AGBL1: variants seen among roughly 807,000 people sequenced by gnomAD.
AGBL1 encodes the protein cytosolic carboxypeptidase 4.
Under a neutral mutation model 118.9 loss-of-function variants are expected in AGBL1, and 130 were observed. That is an observed-to-expected ratio of 1.09 (90% CI 0.95 to 1.26). The LOEUF (loss-of-function observed/expected upper bound fraction) is 1.26, where lower values mean the gene tolerates loss of function less well. Among genes scored for constraint, AGBL1 ranks in the 50% most tolerant of loss-of-function variants. The pLI, the probability that AGBL1 is intolerant of heterozygous loss-of-function variation, is 0.00. For missense variants in AGBL1, 1,584 were observed against 1,298.1 expected (o/e 1.22, Z -3.38); for synonymous variants, 555 against 478.9 (o/e 1.16, Z -2.08).
chr15:86,489,410 A>G (rs947739679), intron 18 of AGBL1, among the ~76,000 whole-genome samples: 7 of 152,114 alleles, frequency 4.6e-5, no homozygotes, highest in African/African-American at 1.7e-4. Flanking sequence ...ATATCATCTG[A>G]CTTGATGTGA....
chr15:86,144,981 A>T (rs1265853724), intron 3 of AGBL1, among the ~76,000 whole-genome samples: 4 of 152,086 alleles, frequency 2.6e-5, no homozygotes, highest in Non-Finnish European at 4.4e-5. Flanking sequence ...TCTCTGAGGG[A>T]GAATCGGTTC....
intron 1 of AGBL1, among the ~76,000 whole-genome samples, chr15:86,122,744 C>G (rs375006303): frequency 1.3e-5 from 2 of 152,196 alleles, no homozygotes; most frequent in East Asian, 3.8e-4. Context: ...ACTGAGTGGA[C>G]CCTTCCTCTT....
At chr15:86,700,748 C>T (rs1223739448) in intron 22 of AGBL1, among the ~76,000 whole-genome samples, 1 of 151,998 alleles carries the variant, frequency 6.6e-6, no homozygotes. Flanking sequence ...TTTTCTTTTT[C>T]TGTGCTTCCC....
intron 22 of AGBL1, among the ~76,000 whole-genome samples, chr15:86,828,361 A>T (rs1276408093): frequency 6.6e-6 from 1 of 152,158 alleles, no homozygotes; most frequent in African/African-American, 2.4e-5. Context: ...GTACATGGAA[A>T]AAAGGGACTT....
At position 86,313,433 on chromosome 15, in the gene AGBL1, T is replaced by C. The variant is rs141993300; in HGVS notation, c.2374+18025T>C. On this transcript the variant is annotated intron_variant, in intron 17 of 22. Coordinates refer to ENST00000614907, the MANE Select transcript of AGBL1 (RefSeq NM_001386094.1). ...GAGGGTATGGCAGTTTCTTAAGTTG[T>C]TATGAAAAGCAAGAATCCTTATCTT... Among the ~76,000 whole-genome samples, 336 of 152,364 alleles carry C rather than the reference T, an allele frequency of 2.2e-3. 2 individuals carry two copies. The highest frequency in any genetic ancestry group is 7.7e-3 in the African/African-American group (321 of 41,584).
intron 1 of AGBL1, among the ~76,000 whole-genome samples, chr15:86,114,702 C>T (rs1170195168): frequency 6.6e-6 from 1 of 152,112 alleles, no homozygotes; most frequent in Non-Finnish European, 1.5e-5. Flanking sequence ...TTCCACATAG[C>T]AGAATGTGGC....
In AGBL1 at chr15:86,974,520, AAT is replaced by A. The variant is rs1233870635; in HGVS notation, c.3222-13460_3222-13459del. Among the ~76,000 whole-genome samples the A allele has an allele frequency of 5.5e-5, 7 of 127,354 alleles. No individual in the cohort carries two copies. The South Asian group carries it at 1.6e-3, about 30-fold the overall frequency. 83.5% of individuals were successfully genotyped at this position (127,354 alleles called of 152,430 possible). The stretch of plus-strand genomic sequence containing the variant: ...TTATATATTGAATATAAATATATAT[AAT>A]ATATATTAAATATATAAAAATTATA... On this transcript the variant is annotated intron_variant, in intron 23 of 24. Coordinates refer to the AGBL1 transcript ENST00000441037.
At chr15:86,204,284 C>T (rs559942146) in intron 5 of AGBL1, among the ~76,000 whole-genome samples, 12 of 152,328 alleles carry the variant, frequency 7.9e-5, no homozygotes, top group Admixed American at 7.2e-4. Context: ...TCCTTCCTCA[C>T]ACCATTCCAG....
intron 23 of AGBL1, among the ~76,000 whole-genome samples, chr15:86,966,599 G>A (rs1286277133): frequency 6.6e-6 from 1 of 152,056 alleles, no homozygotes; most frequent in Non-Finnish European, 1.5e-5. Context: ...CCTTGTGACA[G>A]TTTGCTGAGA....
chr15:86,184,683 C>T (rs900548643), intron 5 of AGBL1, among the ~76,000 whole-genome samples: 23 of 152,130 alleles, frequency 1.5e-4, no homozygotes, highest in African/African-American at 5.5e-4. Flanking sequence ...ACTCCTTTTT[C>T]TCTAACCTTG....
At chr15:86,888,410 G>C (rs1435369975) in intron 22 of AGBL1, among the ~76,000 whole-genome samples, 1 of 151,938 alleles carries the variant, frequency 6.6e-6, no homozygotes, top group Non-Finnish European at 1.5e-5. Flanking sequence ...TAGAGCTACA[G>C]ATGAATCATA....
At chr15:86,709,244 CT>C (rs1250383638) in intron 22 of AGBL1, among the ~76,000 whole-genome samples, 1 of 152,114 alleles carries the variant, frequency 6.6e-6, no homozygotes, top group Non-Finnish European at 1.5e-5. Context: ...CTATAGTGAC[CT>C]CCTACTTAAA....
At chr15:86,261,651 T>C (rs1285705479) in intron 9 of AGBL1, among the ~76,000 whole-genome samples, 4 of 152,092 alleles carry the variant, frequency 2.6e-5, no homozygotes, top group Non-Finnish European at 5.9e-5. Context: ...AAACTTAATC[T>C]AGGATATGAA....
chr15:86,900,652 A>AT (rs71144080), intron 22 of AGBL1, among the ~76,000 whole-genome samples: 30,388 of 146,544 alleles, frequency 0.21, 3,120 homozygotes, highest in African/African-American at 0.28. Context: ...TTATATCAGA[A>AT]TTTTTTTTTT....
chr15:86,502,824 AG>A (rs1199395046), intron 18 of AGBL1, among the ~76,000 whole-genome samples: 4 of 151,446 alleles, frequency 2.6e-5, no homozygotes, highest in Non-Finnish European at 5.9e-5. Context: ...TTGATTTGCT[AG>A]TATTTTCTTG....
intron 23 of AGBL1, chr15:86,935,316 G>A (rs1265762472): frequency 1.3e-5 from 2 of 152,160 alleles, no homozygotes; most frequent in Admixed American, 6.5e-5. Flanking sequence ...CGGAGTTATG[G>A]TTATACATGT....
rs751081785 is a variant in AGBL1 at position 86,154,418 on chromosome 15, T to A, written c.263-12T>A. 58 of 1,610,130 alleles carry A rather than the reference T, an allele frequency of 3.6e-5. No individual in the cohort carries two copies. Among genetic ancestry groups the A allele is most frequent in the Non-Finnish European group, 4.5e-5 (53 of 1,178,192 alleles). On this transcript the variant is annotated splice_polypyrimidine_tract_variant and intron_variant, in intron 3 of 22. Transcript: ENST00000614907. ...TGAAGTGCAACTAAGATAGATTGAT[T>A]TGTGTTCTTAGATAAAAAGATTGGA...
chr15:86,351,560 C>G (rs1373817653), intron 17 of AGBL1, among the ~76,000 whole-genome samples: 2 of 152,110 alleles, frequency 1.3e-5, no homozygotes, highest in Non-Finnish European at 2.9e-5. Context: ...TTGAAGGCCA[C>G]TCCTTTGCAC....
chr15:86,370,600 C>A (rs563597574), intron 17 of AGBL1, among the ~76,000 whole-genome samples: 1 of 152,252 alleles, frequency 6.6e-6, no homozygotes, highest in East Asian at 1.9e-4. Context: ...TGGCCTGTTT[C>A]TATTCTTTAA....
Sources: allele counts gnomAD v4.1 joint callset (sites outside exome capture counted in the v4.1 genomes callset), GRCh38; gene constraint gnomAD v4.1.1; transcripts MANE v1.5; gene names NCBI Gene and HGNC (gene_info 2026-07-23, HGNC 2026-07-21).